The following STAU2 variants were observed in gnomAD, a reference collection of about 807,000 sequenced individuals.
The protein encoded by STAU2 is staufen double-stranded RNA binding protein 2.
A neutral mutation model predicts 65.9 loss-of-function variants in STAU2; 20 were observed. The ratio of observed to expected loss-of-function variants is 0.30; its 90% CI spans 0.21 to 0.44. The LOEUF (loss-of-function observed/expected upper bound fraction) is 0.44. Among genes scored for constraint, STAU2 ranks in the 20% least tolerant of loss-of-function variants. STAU2 has a pLI of 1.00. For missense variants in STAU2, 558 were observed against 683.9 expected (o/e 0.82, Z 2.05); for synonymous variants, 232 against 233.9 (o/e 0.99, Z 0.07).
intron 13 of STAU2, 28 bp downstream of exon 13, chr8:73,551,984 G>A (rs1470611080): frequency 6.6e-7 from 1 of 1,524,504 alleles, no homozygotes; most frequent in Non-Finnish European, 8.8e-7. Flanking sequence ...GAATTGTTTT[G>A]TTTTTTGTTT....
intron 13 of STAU2, among the ~76,000 whole-genome samples, chr8:73,438,280 A>G (rs1817863913): frequency 6.6e-6 from 1 of 152,222 alleles, no homozygotes. Flanking sequence ...GCGCTAACAG[A>G]CAGTCATCAC....
At chr8:73,702,510 G>C (rs969956865) in intron 4 of STAU2, among the ~76,000 whole-genome samples, 4 of 151,874 alleles carry the variant, frequency 2.6e-5, no homozygotes, top group African/African-American at 9.7e-5. Flanking sequence ...AATATCTCAT[G>C]TACTTCATAA....
chr8:73,542,189 C>A (rs558788543), intron 13 of STAU2, among the ~76,000 whole-genome samples: 2 of 152,070 alleles, frequency 1.3e-5, no homozygotes, highest in African/African-American at 4.8e-5. Context: ...TATCTTAATG[C>A]TTTAAGTATT....
chr8:73,576,130 A>G (rs1339900526), intron 12 of STAU2, among the ~76,000 whole-genome samples: 2 of 152,242 alleles, frequency 1.3e-5, no homozygotes, highest in South Asian at 2.1e-4. Context: ...TTGAACTTAC[A>G]CATATTATAT....
chr8:73,560,131 A>G (rs1371447674), intron 12 of STAU2, among the ~76,000 whole-genome samples: 2 of 131,320 alleles, frequency 1.5e-5, no homozygotes. Flanking sequence ...CCCAGGCTGG[A>G]GTGCAGTGGC....
At chr8:73,507,890 AC>A (rs531937535) in intron 13 of STAU2, among the ~76,000 whole-genome samples, 49 of 152,166 alleles carry the variant, frequency 3.2e-4, no homozygotes, top group African/African-American at 1.2e-3. Flanking sequence ...CTTTTCTTAA[AC>A]CTTATGAACC....
chr8:73,474,806 T>C (rs923345636), intron 13 of STAU2, among the ~76,000 whole-genome samples: 1 of 152,128 alleles, frequency 6.6e-6, no homozygotes, highest in Non-Finnish European at 1.5e-5. Flanking sequence ...GTCTCCTCAA[T>C]AGAATTGGGT....
chr8:73,633,253 G>A (rs1586161020), intron 6 of STAU2, among the ~76,000 whole-genome samples: 1 of 152,302 alleles, frequency 6.6e-6, no homozygotes, highest in South Asian at 2.1e-4. Flanking sequence ...TTACAGTTGA[G>A]GAAACTGAAA....
intron 13 of STAU2, among the ~76,000 whole-genome samples, chr8:73,487,683 C>A (rs1369677737): frequency 6.6e-6 from 1 of 151,970 alleles, no homozygotes; most frequent in East Asian, 1.9e-4. Flanking sequence ...TATATCTGTA[C>A]AAGGCAATAT....
At chr8:73,710,448 G>C (rs777556672) in intron 3 of STAU2, among the ~76,000 whole-genome samples, 1 of 149,260 alleles carries the variant, frequency 6.7e-6, no homozygotes, top group Non-Finnish European at 1.5e-5. Context: ...GTCTTGTTTA[G>C]GAAGTCCTCT....
At chr8:73,627,376 C>T (rs967249825) in intron 6 of STAU2, among the ~76,000 whole-genome samples, 1 of 152,018 alleles carries the variant, frequency 6.6e-6, no homozygotes, top group East Asian at 1.9e-4. Flanking sequence ...TCCAGGAATG[C>T]GCACATTACC....
chr8:73,669,145 G>GT (rs1179291531), intron 6 of STAU2: 1 of 700,936 alleles, frequency 1.4e-6, no homozygotes, highest in East Asian at 2.7e-5. Context: ...AATCATGGTT[G>GT]TAACAGCCTA....
chr8:73,602,592 T>C (rs1407457096), intron 10 of STAU2, among the ~76,000 whole-genome samples: 1 of 151,886 alleles, frequency 6.6e-6, no homozygotes, highest in Non-Finnish European at 1.5e-5. Flanking sequence ...CATGGTAGTG[T>C]ATGCGTGTAA....
At chr8:73,438,443 T>C (rs1817875273) in intron 13 of STAU2, among the ~76,000 whole-genome samples, 2 of 152,036 alleles carry the variant, frequency 1.3e-5, no homozygotes, top group Non-Finnish European at 2.9e-5. Context: ...GAGGCAGCAT[T>C]TGGGGTGAGC....
At chr8:73,544,174 C>A (rs935890090) in intron 13 of STAU2, among the ~76,000 whole-genome samples, 1 of 152,316 alleles carries the variant, frequency 6.6e-6, no homozygotes, top group East Asian at 1.9e-4. Context: ...CTGAAGTCAG[C>A]ACAAGAGATC....
At chr8:73,633,650 G>C (rs1485659176) in intron 6 of STAU2, among the ~76,000 whole-genome samples, 7 of 152,066 alleles carry the variant, frequency 4.6e-5, no homozygotes, top group African/African-American at 1.4e-4. Context: ...AAGTACATGA[G>C]GAGCTTTAAA....
chr8:73,492,387 A>G (rs970880888), intron 13 of STAU2, among the ~76,000 whole-genome samples: 1 of 151,850 alleles, frequency 6.6e-6, no homozygotes, highest in Admixed American at 6.6e-5. Flanking sequence ...AACCTCTCCT[A>G]CTGCTTCCAT....
At chr8:73,534,382 A>G (rs1806045443) in intron 13 of STAU2, among the ~76,000 whole-genome samples, 1 of 152,222 alleles carries the variant, frequency 6.6e-6, no homozygotes, top group Admixed American at 6.5e-5. Context: ...TTCTTTCATA[A>G]ATATTGACCT....
At chr8:73,506,854 C>T (rs147523653) in intron 13 of STAU2, among the ~76,000 whole-genome samples, 3 of 152,226 alleles carry the variant, frequency 2.0e-5, no homozygotes, top group African/African-American at 7.2e-5. Flanking sequence ...ATTCTAAATC[C>T]TTTTTGTCAT....
Sources: gnomAD v4.1 joint callset for allele counts (sites outside exome capture counted in the v4.1 genomes callset) on GRCh38, gnomAD v4.1.1 for gene constraint, MANE v1.5 for transcripts, NCBI Gene and HGNC (gene_info 2026-07-23, HGNC 2026-07-21) for gene names.